ADGRB3: variants seen among roughly 807,000 people sequenced by gnomAD.
ADGRB3 encodes the protein adhesion G protein-coupled receptor B3.
ADGRB3 carries 37 observed loss-of-function variants against 193.4 expected under a neutral mutation model. The ratio of observed to expected loss-of-function variants is 0.19; its 90% CI spans 0.15 to 0.25. The LOEUF is 0.25. ADGRB3 is among the 10% of genes least tolerant of loss of function. ADGRB3 has a pLI of 1.00. For synonymous variants in ADGRB3, 690 were observed against 644.2 expected (o/e 1.07, Z -1.08); for missense variants, 1,637 against 1,852.9 (o/e 0.88, Z 2.14).
intron 28 of ADGRB3, among the ~76,000 whole-genome samples, chr6:69,358,262 C>A (rs1478059561): frequency 6.6e-6 from 1 of 151,838 alleles, no homozygotes; most frequent in Non-Finnish European, 1.5e-5. Flanking sequence ...TAACCCAGGC[C>A]TTTGGGGTCT....
intron 3 of ADGRB3, among the ~76,000 whole-genome samples, chr6:68,780,730 A>T (rs1314631477): frequency 6.6e-6 from 1 of 152,078 alleles, no homozygotes; most frequent in Admixed American, 6.6e-5. Flanking sequence ...GATTATCCAG[A>T]AGTTGTAAAA....
At chr6:69,024,210 A>G (rs62418324) in intron 13 of ADGRB3, among the ~76,000 whole-genome samples, 19,632 of 152,196 alleles carry the variant, frequency 0.13, 1,352 homozygotes, top group Middle Eastern at 0.26. Context: ...AGGTATAAGG[A>G]GTTCCAGGAC....
intron 16 of ADGRB3, among the ~76,000 whole-genome samples, chr6:69,064,155 T>C (rs953760028): frequency 6.6e-6 from 1 of 152,018 alleles, no homozygotes; most frequent in Non-Finnish European, 1.5e-5. Flanking sequence ...TATAGAAAAA[T>C]GATAATCACC....
intron 26 of ADGRB3, among the ~76,000 whole-genome samples, chr6:69,342,612 G>C (rs1381610369): frequency 6.6e-6 from 1 of 152,020 alleles, no homozygotes; most frequent in East Asian, 1.9e-4. Flanking sequence ...ACATTGCCCT[G>C]ACATTACCAT....
In ADGRB3 at chr6:69,029,947, C is replaced by CATAT. The variant is rs145059462; in HGVS notation, c.2107+11461_2107+11464dup. Among the ~76,000 whole-genome samples, 141 of 144,076 alleles carry CATAT rather than the reference C, an allele frequency of 9.8e-4. 1 individual carries two copies. The highest frequency in any genetic ancestry group is 3.2e-3 in the African/African-American group (124 of 38,610). The allele number at this position is 144,076 out of a possible 152,430, so 94.5% of individuals were successfully genotyped here. ...AGAAAAAATTTATGAAGCCAACAAA[C>CATAT]ATATATATATATATATGATATATAG... On this transcript the variant is annotated intron_variant, in intron 13 of 31. Coordinates refer to ENST00000370598, the MANE Select transcript of ADGRB3 (RefSeq NM_001704.3).
intron 3 of ADGRB3, among the ~76,000 whole-genome samples, chr6:68,875,190 TTCCTTCC>T (rs1765563578): frequency 9.9e-6 from 1 of 101,190 alleles, no homozygotes; most frequent in Non-Finnish European, 2.1e-5. Context: ...CCTTCCTTCC[TTCCTTCC>T]TTCCCCCGGC....
At chr6:68,739,231 A>G (rs892552202) in intron 3 of ADGRB3, among the ~76,000 whole-genome samples, 1 of 152,174 alleles carries the variant, frequency 6.6e-6, no homozygotes, top group Non-Finnish European at 1.5e-5. Context: ...GAAGAAAGGG[A>G]TCGGAAGCAA....
At chr6:69,297,406 CTCTCTATATA>C (rs1767852121) in intron 20 of ADGRB3, among the ~76,000 whole-genome samples, 1 of 144,064 alleles carries the variant, frequency 6.9e-6, no homozygotes, top group African/African-American at 2.6e-5. Context: ...CTCTCTCTCT[CTCTCTATATA>C]TATATATATA....
Position 68,772,895 on chromosome 6 carries a change from ATATATATATATAT to A in ADGRB3, c.757+133464_757+133476del, listed in dbSNP as rs1186508940. Among the ~76,000 whole-genome samples, 114 of 33,336 alleles carry A rather than the reference ATATATATATATAT, an allele frequency of 3.4e-3. 1 individual carries two copies. The highest frequency in any genetic ancestry group is 6.3e-3 in the African/African-American group (58 of 9,240). 21.9% of individuals were successfully genotyped at this position (33,336 alleles called of 152,430 possible). ...CAAACAAACAAACAAAAAAAAAAAA[ATATATATATATAT>A]ATATATATATATATATATATATATA... On this transcript the variant is annotated intron_variant, in intron 3 of 31. Coordinates refer to ENST00000370598, the MANE Select transcript of ADGRB3 (RefSeq NM_001704.3).
chr6:69,334,922 T>A (rs1039171039), intron 24 of ADGRB3, among the ~76,000 whole-genome samples: 1 of 152,154 alleles, frequency 6.6e-6, no homozygotes, highest in African/African-American at 2.4e-5. Flanking sequence ...GAAAATATAA[T>A]GTGTATAAAG....
intron 6 of ADGRB3, among the ~76,000 whole-genome samples, chr6:68,950,449 T>A (rs565286304): frequency 6.6e-6 from 1 of 152,296 alleles, no homozygotes; most frequent in African/African-American, 2.4e-5. Context: ...GTATTACATT[T>A]CAATTAAATT....
At chr6:69,158,637 C>T (rs1774908331) in intron 17 of ADGRB3, among the ~76,000 whole-genome samples, 1 of 151,970 alleles carries the variant, frequency 6.6e-6, no homozygotes, top group Non-Finnish European at 1.5e-5. Context: ...TAATACTACT[C>T]ATTACAGGAT....
intron 20 of ADGRB3, among the ~76,000 whole-genome samples, chr6:69,292,134 T>C (rs1410990192): frequency 6.6e-6 from 1 of 152,228 alleles, no homozygotes; most frequent in Non-Finnish European, 1.5e-5. Flanking sequence ...TACATCTTAA[T>C]TTCCTTATGA....
intron 15 of ADGRB3, among the ~76,000 whole-genome samples, chr6:69,054,891 A>G (rs560939124): frequency 6.6e-6 from 1 of 152,312 alleles, no homozygotes; most frequent in East Asian, 1.9e-4. Flanking sequence ...CCAAATTCCC[A>G]TACTATATGA....
intron 17 of ADGRB3, among the ~76,000 whole-genome samples, chr6:69,154,200 T>G (rs999302357): frequency 3.3e-5 from 5 of 152,124 alleles, no homozygotes; most frequent in African/African-American, 1.2e-4. Context: ...AATGTCAGTG[T>G]TTTAGGAGGG....
chr6:68,698,504 T>G (rs1266679619), intron 3 of ADGRB3, among the ~76,000 whole-genome samples: 1 of 152,056 alleles, frequency 6.6e-6, no homozygotes, highest in Non-Finnish European at 1.5e-5. Context: ...TCAGTTTATT[T>G]TATTTGAGAT....
chr6:68,652,520 C>A (rs904777057), intron 3 of ADGRB3, among the ~76,000 whole-genome samples: 3 of 152,084 alleles, frequency 2.0e-5, no homozygotes, highest in Non-Finnish European at 2.9e-5. Flanking sequence ...CCTCTTCCAC[C>A]CTGGGCTCCC....
At chr6:68,992,806 G>T (rs1410872690) in intron 10 of ADGRB3, among the ~76,000 whole-genome samples, 3 of 152,076 alleles carry the variant, frequency 2.0e-5, no homozygotes, top group African/African-American at 7.2e-5. Flanking sequence ...TACTTTAAAA[G>T]ATTTGTTGGC....
At chr6:68,890,847 A>G (rs1766053622) in intron 3 of ADGRB3, among the ~76,000 whole-genome samples, 1 of 152,222 alleles carries the variant, frequency 6.6e-6, no homozygotes. Context: ...AGTTATGACA[A>G]TCATAGAGGG....
Sources: allele counts gnomAD v4.1 joint callset (sites outside exome capture counted in the v4.1 genomes callset), GRCh38; gene constraint gnomAD v4.1.1; transcripts MANE v1.5; gene names NCBI Gene and HGNC (gene_info 2026-07-23, HGNC 2026-07-21).